Variants in POLR2K observed in about 807,000 individuals in gnomAD.
The protein encoded by POLR2K is RNA polymerase II, I and III subunit K.
Under a neutral mutation model 10.1 loss-of-function variants are expected in POLR2K, and 9 were observed. That is an observed-to-expected ratio of 0.89 (90% CI 0.54 to 1.56). The LOEUF (loss-of-function observed/expected upper bound fraction) is 1.56, where lower values mean the gene tolerates loss of function less well. POLR2K is among the 40% of genes most tolerant of loss of function. The pLI is 0.00. For synonymous variants in POLR2K, 19 were observed against 20.3 expected (o/e 0.94, Z 0.17); for missense variants, 53 against 71.9 (o/e 0.74, Z 0.95).
intron 2 of POLR2K, 91 bp from the exon 3 acceptor site, chr8:100,151,733 T>A: frequency 1.5e-6 from 1 of 650,236 alleles, no homozygotes; most frequent in South Asian, 2.0e-5. Context: ...TTTAGTGTTT[T>A]GGATTGCCTT....
chr8:100,153,432 A>G lies in POLR2K; in HGVS notation c.*116A>G. The G allele has an allele frequency of 1.2e-6, 1 of 869,012 alleles. No homozygotes were observed. The highest frequency in any genetic ancestry group is 1.9e-6 in the Non-Finnish European group (1 of 531,462). 53.8% of individuals were successfully genotyped at this position (869,012 alleles called of 1,614,324 possible). On this transcript the variant is annotated 3_prime_UTR_variant, in exon 4 of 4. Transcript: ENST00000353107. ...AGTAGTTCCCCCTTATCTTCGGGAG[A>G]TACATTCCAAGGCCCCCAGTGAACT... is the stretch of plus-strand genomic sequence containing the variant.
chr8:100,153,264 C>A, intron 3 of POLR2K, 30 bp from the exon 4 acceptor site: 3 of 1,568,116 alleles, frequency 1.9e-6, no homozygotes. Flanking sequence ...GTTTAAGTAC[C>A]GTTTTTGTCC....
chr8:100,151,060 A>G (rs1563758817), intron 1 of POLR2K, among the ~76,000 whole-genome samples: 1 of 152,186 alleles, frequency 6.6e-6, no homozygotes, highest in Non-Finnish European at 1.5e-5. Context: ...GGAAATTAAC[A>G]TGTCTAAGTA....
At chr8:100,153,011 G>A (rs1487834402) in intron 3 of POLR2K, among the ~76,000 whole-genome samples, 18 of 152,136 alleles carry the variant, frequency 1.2e-4, no homozygotes, top group Admixed American at 5.2e-4. Context: ...CTCGTGATCC[G>A]CCCACCTCAG....
intron 3 of POLR2K, 156 bp downstream of exon 3, chr8:100,152,072 T>A: frequency 1.6e-6 from 1 of 614,704 alleles, no homozygotes; most frequent in South Asian, 1.9e-5. Flanking sequence ...ATGCATAGGC[T>A]CTAAATAATC....
Position 100,151,851 on chromosome 8 carries a change from C to T in POLR2K, c.89C>T (p.Ser30Phe). Residue 30 changes from serine to phenylalanine, a missense_variant, in exon 3 of 4, where the codon TCT becomes TTT. Transcript: ENST00000353107. Reference sequence around the variant, plus strand: ...TGTCACACAGAAAATGAAATAAAATCTAGGGATCCAATCAGATGCAGAGAA... The same window carrying T: ...TGTCACACAGAAAATGAAATAAAATTTAGGGATCCAATCAGATGCAGAGAA... The part of the protein sequence containing the change: ...GECHTENEIK[S>F]RDPIRCRECG... 1 of 1,556,122 alleles carries T rather than the reference C, an allele frequency of 6.4e-7. No homozygotes were observed. Among genetic ancestry groups the T allele is most frequent in the Non-Finnish European group, 8.8e-7 (1 of 1,136,394 alleles).
At position 100,153,867 on chromosome 8, in the gene POLR2K, A is replaced by C. The variant is rs747638757; in HGVS notation, c.*551A>C. On this transcript the variant is annotated 3_prime_UTR_variant, in exon 4 of 4. Transcript: ENST00000353107. ...TTTTGTTTTATTGTATATGTAATTTAACACACAATAAAGGGTAAAGTTGCT... is the reference window on the plus strand; with the variant it reads ...TTTTGTTTTATTGTATATGTAATTTCACACACAATAAAGGGTAAAGTTGCT... 2.0e-5 allele frequency: 3 copies of C among 152,230 alleles called. No individual in the cohort carries two copies. The highest frequency in any genetic ancestry group is 4.4e-5 in the Non-Finnish European group (3 of 68,036). The allele number at this position is 152,230 out of a possible 1,614,324, so 9.4% of individuals were successfully genotyped here.
Position 100,151,370 on chromosome 8 carries a change from G to A in POLR2K, c.15G>A (p.Lys5=). MDTQ[K]DVQPPKQQPM... ...AGGGGCTAACAATGGACACCCAGAA[G>A]GACGTTCAACCTCCAAAGCAGCAAC... The change falls in exon 2 of 4, where the codon AAG becomes AAA. Residue 5 remains lysine (K), a synonymous_variant. Transcript: ENST00000353107. 1 of 1,610,344 alleles carries A rather than the reference G, an allele frequency of 6.2e-7. No homozygotes were observed. The highest frequency in any genetic ancestry group is 2.2e-5 in the East Asian group (1 of 44,864).
At chr8:100,150,885 T>C (rs766484157) in intron 1 of POLR2K, among the ~76,000 whole-genome samples, 176 bp downstream of exon 1, 1 of 152,202 alleles carries the variant, frequency 6.6e-6, no homozygotes, top group Non-Finnish European at 1.5e-5. Flanking sequence ...GTAGGAGTTA[T>C]TTCATTGTTC....
chr8:100,152,026 T>G (rs1204918445), intron 3 of POLR2K, 110 bp downstream of exon 3: 1 of 681,568 alleles, frequency 1.5e-6, no homozygotes, highest in African/African-American at 1.9e-5. Context: ...ATTACAGTAC[T>G]TAAAAAACAA....
Position 100,151,422 on chromosome 8 carries a change from A to T in POLR2K, c.61+6A>T. On this transcript the variant is annotated splice_donor_region_variant and intron_variant, in intron 2 of 3. Coordinates refer to ENST00000353107, the MANE Select transcript of POLR2K (RefSeq NM_005034.4). ...AATGATATATATCTGTGGAGGTAAG[A>T]GTAGCACTTACCTAAAGTAAGAATA... 6.5e-7 allele frequency: 1 copy of T among 1,530,678 alleles called. No homozygotes were observed. 94.8% of individuals were successfully genotyped at this position (1,530,678 alleles called of 1,614,324 possible).
rs1016783647 is a variant in POLR2K, at chr8:100,151,564, T to G, written c.61+148T>G. The G allele has an allele frequency of 1.4e-5, 9 of 638,782 alleles. No homozygotes were observed. In the Admixed American group the frequency reaches 2.2e-4, roughly 16 times the overall value. 39.6% of individuals were successfully genotyped at this position (638,782 alleles called of 1,614,324 possible). A position where few individuals can be genotyped will look rare whatever the true frequency, so the allele number is the denominator to read the frequency against. On this transcript the variant is annotated intron_variant, in intron 2 of 3. Coordinates refer to ENST00000353107, the MANE Select transcript of POLR2K (RefSeq NM_005034.4). ...CCATAAAAAAAATCGTTGAGGTCAG[T>G]AGACCTGGGTTCGTCCTTGGTCTTC...
rs997379185 is a variant in POLR2K, at chr8:100,153,014, C to T, written c.155-280C>T. On this transcript the variant is annotated intron_variant, in intron 3 of 3. Transcript: ENST00000353107. ...CGATCTCCTGACCTCGTGATCCGCC[C>T]ACCTCAGCCTCCCAAAGTACTGGGA... Among the ~76,000 whole-genome samples the T allele has an allele frequency of 3.3e-5, 5 of 152,170 alleles. No homozygotes were observed. In the South Asian group the frequency reaches 1.0e-3, roughly 31 times the overall value.
chr8:100,151,876 A>G lies in POLR2K; in HGVS notation c.114A>G (p.Glu38=). 6.4e-7 allele frequency: 1 copy of G among 1,558,632 alleles called. No homozygotes were observed. The highest frequency in any genetic ancestry group is 8.8e-7 in the Non-Finnish European group (1 of 1,131,600). The part of the protein sequence containing the change: ...IKSRDPIRCR[E]CGYRIMYKKR... ...CTAGGGATCCAATCAGATGCAGAGA[A>G]TGTGGATACAGAATAATGTACAAGA... Residue 38 remains glutamate (E), a synonymous_variant, in exon 3 of 4, where the codon GAA becomes GAG. Coordinates refer to ENST00000353107, the MANE Select transcript of POLR2K (RefSeq NM_005034.4).
In POLR2K at chr8:100,153,840, CTT is replaced by C. The variant is rs1814951433; in HGVS notation, c.*528_*529del. ...AGCAATTTTTTGTTCCATTACGTGA[CTT>C]TTTGTTTTATTGTATATGTAATTTA... On this transcript the variant is annotated 3_prime_UTR_variant, in exon 4 of 4. Coordinates refer to ENST00000353107, the MANE Select transcript of POLR2K (RefSeq NM_005034.4). 1 of 152,136 alleles carries C rather than the reference CTT, an allele frequency of 6.6e-6. No homozygotes were observed. Among genetic ancestry groups the C allele is most frequent in the Non-Finnish European group, 1.5e-5 (1 of 68,028 alleles). The allele number at this position is 152,136 out of a possible 1,614,324, so 9.4% of individuals were successfully genotyped here.
intron 3 of POLR2K, among the ~76,000 whole-genome samples, chr8:100,152,834 C>T (rs748925573): frequency 7.9e-5 from 12 of 152,006 alleles, no homozygotes; most frequent in Non-Finnish European, 1.5e-4. Flanking sequence ...GACGCAATCT[C>T]GGCTCACATT....
At chr8:100,151,248 A>G in intron 1 of POLR2K, 99 bp from the exon 2 acceptor site, 1 of 819,358 alleles carries the variant, frequency 1.2e-6, no homozygotes, top group South Asian at 1.3e-5. Flanking sequence ...GGAACAGATT[A>G]GGAATTGGAT....
intron 1 of POLR2K, among the ~76,000 whole-genome samples, chr8:100,150,933 A>AT (rs1814909394): frequency 6.6e-6 from 1 of 151,932 alleles, no homozygotes; most frequent in Non-Finnish European, 1.5e-5. Flanking sequence ...GAGGGATATA[A>AT]TTTTTTTTGG....
rs769914340 is a variant in POLR2K, at chr8:100,151,899, A to G, written c.137A>G (p.Lys46Arg). The change falls in exon 3 of 4, where the codon AAG becomes AGG. Residue 46 changes from lysine (K) to arginine (R), a missense_variant. Transcript: ENST00000353107. ...CRECGYRIMY[K>R]KRTKRLVVFD... is the part of the protein sequence containing the mutation. ...GAATGTGGATACAGAATAATGTACA[A>G]GAAAAGGACTAAAAGATGTATCCTT... The G allele has an allele frequency of 5.5e-6, 8 of 1,454,776 alleles. No individual in the cohort carries two copies. Among genetic ancestry groups the G allele is most frequent in the Non-Finnish European group, 7.7e-6 (8 of 1,036,526 alleles). The allele number at this position is 1,454,776 out of a possible 1,614,324, so 90.1% of individuals were successfully genotyped here.
Sources: allele counts gnomAD v4.1 joint callset (sites outside exome capture counted in the v4.1 genomes callset), GRCh38; gene constraint gnomAD v4.1.1; transcripts MANE v1.5; gene names NCBI Gene and HGNC (gene_info 2026-07-23, HGNC 2026-07-21).